CAMTA1: variants seen among roughly 807,000 people sequenced by gnomAD.
CAMTA1 encodes the protein calmodulin-binding transcription activator 1.
In CAMTA1, 27 loss-of-function variants were observed where a neutral mutation model predicts 170.9. That is an observed-to-expected ratio of 0.16 (90% confidence interval 0.12 to 0.22). CAMTA1 has a LOEUF of 0.22. Among genes scored for constraint, CAMTA1 ranks in the 10% least tolerant of loss-of-function variants. The probability of loss-of-function intolerance (pLI) is 1.00; values close to 1 mark genes in which losing one functional copy is unlikely to be tolerated. For synonymous variants in CAMTA1, 833 were observed against 891.5 expected (o/e 0.93, Z 1.17); for missense variants, 1,619 against 2,217.2 (o/e 0.73, Z 5.42).
At chr1:7,512,462 A>G (rs1233955603) in intron 6 of CAMTA1, among the ~76,000 whole-genome samples, 1 of 152,212 alleles carries the variant, frequency 6.6e-6, no homozygotes, top group East Asian at 1.9e-4. Flanking sequence ...TGGGAATCTC[A>G]GCGGCTGACA....
rs775252839 is a variant in CAMTA1 at position 7,736,999 on chromosome 1, G to A, written c.3332G>A (p.Cys1111Tyr). 3 of 1,610,436 alleles carry A rather than the reference G, an allele frequency of 1.9e-6. No individual in the cohort carries two copies. The highest frequency in any genetic ancestry group is 1.7e-6 in the Non-Finnish European group (2 of 1,177,064). Reference protein sequence around the residue: ...VDPLNVDHFSCTPLMWACALG... With the variant: ...VDPLNVDHFSYTPLMWACALG... ...CCCTTGAATGTGGACCACTTCTCCT[G>A]TACTCCTCTGGTAAGGAATGGATTC... The change falls in exon 14 of 23, where the codon TGT becomes TAT. Residue 1111 changes from cysteine to tyrosine, a missense_variant. This residue lies in a region of CAMTA1 where 60 missense variants were observed against 128.5 expected (regional missense o/e 0.47). Transcript: ENST00000303635. This position sits in a 1 kb window ranked among gnomAD's most constrained non-coding sequence, Gnocchi z 4.5.
At chr1:7,253,563 A>G (rs1666930907) in intron 5 of CAMTA1, among the ~76,000 whole-genome samples, 2 of 152,214 alleles carry the variant, frequency 1.3e-5, no homozygotes, top group Admixed American at 1.3e-4. Context: ...ATGGGCTTAC[A>G]CATTTCCTAT....
At position 7,738,568 on chromosome 1, in the gene CAMTA1, C is replaced by T; in HGVS notation, c.4182+86C>T. On this transcript the variant is annotated intron_variant, in intron 16 of 22. Coordinates refer to ENST00000303635, the MANE Select transcript of CAMTA1 (RefSeq NM_015215.4). This position sits in a 1 kb window ranked among gnomAD's most constrained non-coding sequence, Gnocchi z 4.9. ...TATGGTCCATTTCCGAAGGTTGTGTCATTTTCCTCCCCGTGAAGCCTTCGA... is the reference window on the plus strand; with the variant it reads ...TATGGTCCATTTCCGAAGGTTGTGTTATTTTCCTCCCCGTGAAGCCTTCGA... 8 of 1,439,270 alleles carry T rather than the reference C, an allele frequency of 5.6e-6. No homozygotes were observed. Among genetic ancestry groups the T allele is most frequent in the Non-Finnish European group, 5.6e-6 (6 of 1,069,512 alleles). 89.2% of individuals were successfully genotyped at this position (1,439,270 alleles called of 1,614,324 possible).
intron 6 of CAMTA1, among the ~76,000 whole-genome samples, chr1:7,571,358 G>A (rs891231123): frequency 3.9e-5 from 6 of 152,260 alleles, no homozygotes; most frequent in African/African-American, 1.4e-4. Flanking sequence ...TTTTAGGTTC[G>A]GGGTACCTGT....
In CAMTA1 at chr1:7,547,829, G is replaced by C. The variant is rs961728359; in HGVS notation, c.510+79928G>C. Reference sequence around the variant, plus strand: ...CTCACATCTCTGCCACCCCATGTGGGCCCCCTCCAAACCCAGACTCTGACA... The same window carrying C: ...CTCACATCTCTGCCACCCCATGTGGCCCCCCTCCAAACCCAGACTCTGACA... On this transcript the variant is annotated intron_variant, in intron 6 of 22. Transcript: ENST00000303635. The surrounding 1 kb of genome is among the most constrained non-coding windows in gnomAD (Gnocchi z 5.7). Among the ~76,000 whole-genome samples the C allele has an allele frequency of 1.1e-4, 16 of 151,898 alleles. No individual in the cohort carries two copies. Among genetic ancestry groups the C allele is most frequent in the Middle Eastern group, 3.4e-3 (1 of 292 alleles).
At chr1:7,533,141 G>T (rs1020318240) in intron 6 of CAMTA1, among the ~76,000 whole-genome samples, 2 of 152,222 alleles carry the variant, frequency 1.3e-5, no homozygotes, top group Non-Finnish European at 2.9e-5. Flanking sequence ...ATGTGCCCAG[G>T]AGTCTCCCTC....
intron 4 of CAMTA1, among the ~76,000 whole-genome samples, chr1:7,177,313 T>C (rs1045415157): frequency 1.4e-5 from 2 of 144,636 alleles, no homozygotes; most frequent in Non-Finnish European, 3.0e-5. Context: ...CTCCCACACA[T>C]TGAGGTATCT....
chr1:6,943,635 T>C (rs1190866373), intron 3 of CAMTA1, among the ~76,000 whole-genome samples: 1 of 151,792 alleles, frequency 6.6e-6, no homozygotes, highest in Non-Finnish European at 1.5e-5. Context: ...GATCACGAGA[T>C]CAGAGTTCGA....
At chr1:7,606,409 C>T (rs2095487174) in intron 6 of CAMTA1, among the ~76,000 whole-genome samples, 1 of 152,152 alleles carries the variant, frequency 6.6e-6, no homozygotes, top group South Asian at 2.1e-4. Flanking sequence ...AATTCTCGTG[C>T]TTTTATCTTT....
intron 1 of CAMTA1, among the ~76,000 whole-genome samples, chr1:6,789,724 A>G (rs1287762377): frequency 6.7e-6 from 1 of 148,992 alleles, no homozygotes; most frequent in African/African-American, 2.5e-5. Flanking sequence ...ATGTACAAGG[A>G]GCTGTAGGGG....
intron 5 of CAMTA1, among the ~76,000 whole-genome samples, chr1:7,289,711 C>T (rs1419888297): frequency 6.6e-6 from 1 of 152,028 alleles, no homozygotes; most frequent in East Asian, 1.9e-4. Flanking sequence ...AGAACAGGGA[C>T]CTTTGGATAG....
intron 6 of CAMTA1, among the ~76,000 whole-genome samples, chr1:7,584,015 G>T (rs1191352964): frequency 6.6e-6 from 1 of 152,196 alleles, no homozygotes; most frequent in Non-Finnish European, 1.5e-5. Context: ...ATGGCATTCT[G>T]CTCAGAGAGG....
intron 1 of CAMTA1, among the ~76,000 whole-genome samples, chr1:6,807,282 T>C (rs952734135): frequency 1.3e-5 from 2 of 152,196 alleles, no homozygotes; most frequent in African/African-American, 4.8e-5. Flanking sequence ...TGGGAAAGAG[T>C]ATCTGAATAC....
intron 4 of CAMTA1, among the ~76,000 whole-genome samples, chr1:7,122,146 C>T (rs1435273705): frequency 6.6e-6 from 1 of 152,072 alleles, no homozygotes; most frequent in African/African-American, 2.4e-5. Context: ...TCCTCTCGCC[C>T]TCCCTGTCCC....
At chr1:6,932,460 A>G (rs956333783) in intron 3 of CAMTA1, among the ~76,000 whole-genome samples, 2 of 152,154 alleles carry the variant, frequency 1.3e-5, no homozygotes, top group African/African-American at 4.8e-5. Context: ...TACTTTTATA[A>G]ATAAAGCTGC....
At chr1:7,445,052 G>C (rs1466505746) in intron 5 of CAMTA1, among the ~76,000 whole-genome samples, 1 of 151,450 alleles carries the variant, frequency 6.6e-6, no homozygotes, top group Non-Finnish European at 1.5e-5. Context: ...GGGGTAGGAG[G>C]TGGGGGATGG....
chr1:7,471,809 C>G (rs1404788375), intron 6 of CAMTA1, among the ~76,000 whole-genome samples: 1 of 152,228 alleles, frequency 6.6e-6, no homozygotes, highest in Admixed American at 6.5e-5. Context: ...GAGGGGTAGG[C>G]AGCAGAGGTT....
At chr1:6,849,730 A>G (rs940646653) in intron 3 of CAMTA1, among the ~76,000 whole-genome samples, 1 of 152,044 alleles carries the variant, frequency 6.6e-6, no homozygotes, top group Admixed American at 6.6e-5. Context: ...CAATTGGCTT[A>G]CCACTTAAAA....
chr1:7,233,600 G>C (rs961878694), intron 4 of CAMTA1, among the ~76,000 whole-genome samples: 23 of 152,298 alleles, frequency 1.5e-4, no homozygotes, highest in African/African-American at 5.5e-4. Flanking sequence ...CTTATGGAGT[G>C]TTTGCTGTTT....
Sources: allele counts gnomAD v4.1 joint callset (sites outside exome capture counted in the v4.1 genomes callset), GRCh38; gene constraint gnomAD v4.1.1; regional missense constraint gnomAD v4.1.1; non-coding constraint Gnocchi (gnomAD v3.1); transcripts MANE v1.5; gene names NCBI Gene and HGNC (gene_info 2026-07-23, HGNC 2026-07-21).